The following CDC14A variants were observed in gnomAD, a reference collection of about 807,000 sequenced individuals.
The protein encoded by CDC14A is dual specificity protein phosphatase CDC14A.
Under a neutral mutation model 74.4 loss-of-function variants are expected in CDC14A, and 53 were observed. The observed-to-expected ratio is 0.71, with a 90% confidence interval of 0.57 to 0.89. CDC14A has a LOEUF of 0.89. CDC14A is among the 40% of genes least tolerant of loss of function. The probability of loss-of-function intolerance (pLI) is 0.00; values close to 1 mark genes in which losing one functional copy is unlikely to be tolerated. For missense variants in CDC14A, 646 were observed against 713.7 expected, an observed-to-expected ratio of 0.91 and a Z score of 1.08; for synonymous variants, 247 against 258.4, an observed-to-expected ratio of 0.96 and a Z score of 0.43.
At chr1:100,425,683 G>A (rs6673563) in intron 5 of CDC14A, among the ~76,000 whole-genome samples, 3,011 of 152,274 alleles carry the variant, frequency 0.02, 109 homozygotes, top group African/African-American at 0.069. Flanking sequence ...GTAATCAGCC[G>A]TGGAAGGGCA....
intron 8 of CDC14A, among the ~76,000 whole-genome samples, chr1:100,461,841 T>A (rs1212868476): frequency 2.0e-5 from 3 of 152,216 alleles, no homozygotes; most frequent in Non-Finnish European, 2.9e-5. Flanking sequence ...AATTATATAT[T>A]TATGGTGTAC....
At chr1:100,427,759 C>A (rs535661031) in intron 5 of CDC14A, among the ~76,000 whole-genome samples, 303 of 152,240 alleles carry the variant, frequency 2.0e-3, no homozygotes, top group African/African-American at 7.0e-3. Flanking sequence ...ATGTTTAGGA[C>A]AACTTGGTAC....
Position 100,479,111 on chromosome 1 carries a change from A to G in CDC14A, c.978-5181A>G, listed in dbSNP as rs186176779. Among the ~76,000 whole-genome samples the G allele has an allele frequency of 4.6e-3, 700 of 152,336 alleles. 8 individuals are homozygous for G. The highest frequency in any genetic ancestry group is 0.016 in the African/African-American group (669 of 41,584). ...AAGTTTCACAATTGGATTGAGCTAG[A>G]TCAGAAATTAATAGTTAAACCATTG... On this transcript the variant is annotated intron_variant, in intron 10 of 15. Transcript: ENST00000336454.
intron 4 of CDC14A, among the ~76,000 whole-genome samples, chr1:100,395,952 C>G (rs74103150): frequency 6.6e-6 from 1 of 152,272 alleles, no homozygotes; most frequent in Non-Finnish European, 1.5e-5. Flanking sequence ...GAGATTTTCT[C>G]TTAATTTCTA....
intron 7 of CDC14A, among the ~76,000 whole-genome samples, chr1:100,445,257 G>T (rs1248632767): frequency 6.6e-6 from 1 of 152,164 alleles, no homozygotes; most frequent in Non-Finnish European, 1.5e-5. Context: ...TACATTATAT[G>T]ACCAGAGGTG....
intron 10 of CDC14A, among the ~76,000 whole-genome samples, chr1:100,482,957 T>C (rs1240551065): frequency 6.6e-6 from 1 of 152,202 alleles, no homozygotes; most frequent in East Asian, 1.9e-4. Context: ...TATTCCATGG[T>C]GTATATGTAC....
At chr1:100,352,003 T>TGCGTGCGCGC (rs1553167115), upstream of CDC14A, among the ~76,000 whole-genome samples, 19 of 122,796 alleles carry the variant, frequency 1.5e-4, 1 homozygote, top group Admixed American at 1.4e-3. Flanking sequence ...TGTGTGTGTG[T>TGCGTGCGCGC]GCGCGCGCGC....
At chr1:100,399,560 G>T (rs1230936344) in intron 4 of CDC14A, among the ~76,000 whole-genome samples, 1 of 152,034 alleles carries the variant, frequency 6.6e-6, no homozygotes, top group Non-Finnish European at 1.5e-5. Flanking sequence ...CTACCTCATT[G>T]TTTTAGTAAT....
In CDC14A at chr1:100,352,864, T is replaced by C; in HGVS notation, c.-91T>C. On this transcript the variant is annotated 5_prime_UTR_variant, in exon 1 of 16. Coordinates refer to ENST00000336454, the MANE Select transcript of CDC14A (RefSeq NM_003672.4). Reference sequence around the variant, plus strand: ...AGGCTTGTTGTTCGGGACTGTGAGCTTCCTGGCTCCTGGGCAGTGGGGAAG... The same window carrying C: ...AGGCTTGTTGTTCGGGACTGTGAGCCTCCTGGCTCCTGGGCAGTGGGGAAG... The C allele has an allele frequency of 3.7e-6, 6 of 1,600,234 alleles. No individual in the cohort carries two copies. Among genetic ancestry groups the C allele is most frequent in the Non-Finnish European group, 5.1e-6 (6 of 1,174,366 alleles).
At chr1:100,498,062 C>G in intron 13 of CDC14A, 23 bp from the exon 14 acceptor site, 1 of 1,604,106 alleles carries the variant, frequency 6.2e-7, no homozygotes, top group Non-Finnish European at 8.5e-7. Context: ...TATTGTGACA[C>G]TTTGCCATTT....
intron 11 of CDC14A, chr1:100,485,182 TG>T (rs1440080408): frequency 2.3e-5 from 23 of 985,292 alleles, no homozygotes; most frequent in Non-Finnish European, 2.8e-5. Flanking sequence ...ACCATTTGTT[TG>T]GTTCCACTAT....
At chr1:100,471,030 T>C (rs1242008591) in intron 10 of CDC14A, among the ~76,000 whole-genome samples, 1 of 152,096 alleles carries the variant, frequency 6.6e-6, no homozygotes, top group Non-Finnish European at 1.5e-5. Context: ...CATCCAAATG[T>C]CCGTCAACAA....
At chr1:100,357,392 C>T (rs1467364060) in intron 2 of CDC14A, among the ~76,000 whole-genome samples, 1 of 152,128 alleles carries the variant, frequency 6.6e-6, no homozygotes, top group Admixed American at 6.5e-5. Flanking sequence ...CTGACTCCAT[C>T]TCGTCAGCTC....
chr1:100,471,033 G>T (rs1465976749), intron 10 of CDC14A, among the ~76,000 whole-genome samples: 1 of 151,938 alleles, frequency 6.6e-6, no homozygotes, highest in African/African-American at 2.4e-5. Context: ...CCAAATGTCC[G>T]TCAACAATTT....
chr1:100,374,464 C>T (rs1337066303), intron 2 of CDC14A, among the ~76,000 whole-genome samples: 1 of 152,150 alleles, frequency 6.6e-6, no homozygotes, highest in Non-Finnish European at 1.5e-5. Flanking sequence ...CTCTCCAGCA[C>T]CTGTTGTTTC....
intron 3 of CDC14A, among the ~76,000 whole-genome samples, chr1:100,389,414 T>C (rs1657361589): frequency 6.6e-6 from 1 of 150,550 alleles, no homozygotes; most frequent in Non-Finnish European, 1.5e-5. Context: ...GTTGCGCCAC[T>C]GCACTCCAGC....
chr1:100,451,019 G>T (rs917445160), intron 7 of CDC14A, among the ~76,000 whole-genome samples: 8 of 152,062 alleles, frequency 5.3e-5, no homozygotes, highest in African/African-American at 1.9e-4. Context: ...CTCCCTCCAT[G>T]GCTAGCCATC....
intron 5 of CDC14A, 37 bp from the exon 6 acceptor site, chr1:100,439,895 T>C: frequency 1.4e-6 from 2 of 1,459,104 alleles, no homozygotes; most frequent in Middle Eastern, 1.9e-4. Flanking sequence ...ATGTTCTAAA[T>C]GCAAGTTTTT....
At chr1:100,367,401 A>G (rs1289912790) in intron 2 of CDC14A, among the ~76,000 whole-genome samples, 2 of 152,204 alleles carry the variant, frequency 1.3e-5, no homozygotes, top group African/African-American at 4.8e-5. Context: ...ATGTTGTTGG[A>G]AGATGTCTTC....
Sources: allele counts gnomAD v4.1 joint callset (sites outside exome capture counted in the v4.1 genomes callset), GRCh38; gene constraint gnomAD v4.1.1; transcripts MANE v1.5; gene names NCBI Gene and HGNC (gene_info 2026-07-23, HGNC 2026-07-21).